CUX1: variants seen among roughly 807,000 people sequenced by gnomAD.
CUX1 encodes the protein cut like homeobox 1, also known as protein CASP.
Under a neutral mutation model 158.8 loss-of-function variants are expected in CUX1, and 31 were observed. The ratio of observed to expected loss-of-function variants is 0.20; its 90% CI spans 0.15 to 0.26. The LOEUF (loss-of-function observed/expected upper bound fraction) is 0.26. Among genes scored for constraint, CUX1 ranks in the 10% least tolerant of loss-of-function variants. The pLI is 1.00. For synonymous variants in CUX1, 879 were observed against 862.1 expected, an observed-to-expected ratio of 1.02 and a Z score of -0.34; for missense variants, 1,589 against 2,014.6, an observed-to-expected ratio of 0.79 and a Z score of 4.04.
chr7:102,257,976 T>G lies in CUX1; in HGVS notation c.*8934T>G, dbSNP rs148671459. The G allele has an allele frequency of 6.1e-6, 6 of 984,836 alleles. No individual in the cohort carries two copies. In the East Asian group the frequency reaches 6.8e-4, roughly 112 times the overall value. The allele number at this position is 984,836 out of a possible 1,614,324, so 61.0% of individuals were successfully genotyped here. On this transcript the variant is annotated 3_prime_UTR_variant, in exon 24 of 24. Transcript: ENST00000292535. ...GTGTGACATCTCTCTGGTAACATTTTATTTCTTGCTATTTGTTTTTCTACA... is the reference window on the plus strand; with the variant it reads ...GTGTGACATCTCTCTGGTAACATTTGATTTCTTGCTATTTGTTTTTCTACA...
intron 8 of CUX1, among the ~76,000 whole-genome samples, chr7:102,154,904 C>T (rs1836098556): frequency 6.6e-6 from 1 of 152,198 alleles, no homozygotes; most frequent in African/African-American, 2.4e-5. Context: ...CTTCACTCAC[C>T]AGCCGGACCA....
At chr7:101,972,719 GCCT>G (rs1021351891) in intron 2 of CUX1, among the ~76,000 whole-genome samples, 21 of 152,322 alleles carry the variant, frequency 1.4e-4, no homozygotes, top group African/African-American at 5.1e-4. Flanking sequence ...CGGCCCCAAT[GCCT>G]CCTCCTCCAG....
At chr7:102,283,321 C>T (rs566907648) in exon 23 of CUX1, 5 of 560,040 alleles carry the variant, frequency 8.9e-6, no homozygotes, top group South Asian at 6.1e-5. Flanking sequence ...CAGGCTAAGC[C>T]GCAGAGACCC....
intron 20 of CUX1, among the ~76,000 whole-genome samples, chr7:102,219,622 G>T (rs1393348108): frequency 6.6e-6 from 1 of 152,182 alleles, no homozygotes; most frequent in Admixed American, 6.5e-5. Flanking sequence ...CCATTTTGTA[G>T]TTTGGCCACG....
At chr7:102,275,350 G>T in exon 17 of CUX1, 1 of 1,612,434 alleles carries the variant, frequency 6.2e-7, no homozygotes. Flanking sequence ...GGAACCAGGA[G>T]CTTGAGGCCG....
intron 2 of CUX1, among the ~76,000 whole-genome samples, chr7:101,949,227 G>A (rs1156496432): frequency 6.6e-6 from 1 of 151,882 alleles, no homozygotes; most frequent in Non-Finnish European, 1.5e-5. Context: ...CACCTCCTGG[G>A]TTCACGCCAT....
chr7:102,201,575 C>T lies in CUX1; in HGVS notation c.2278C>T (p.Leu760Phe). 1 of 1,614,166 alleles carries T rather than the reference C, an allele frequency of 6.2e-7. No homozygotes were observed. Among genetic ancestry groups the T allele is most frequent in the African/African-American group, 1.3e-5 (1 of 75,046 alleles). The change falls in exon 18 of 24, where the codon CTC (leucine) becomes TTC (phenylalanine). Residue 760 changes from leucine to phenylalanine, a missense_variant. Physicochemically the swap from Leu to Phe is conservative, Grantham distance 22. Transcript: ENST00000292535. The surrounding 1 kb of genome is among the most constrained non-coding windows in gnomAD (Gnocchi z 5.0). ...GCCCACCGTGTCCAGCTACCCACCTCTCGCCATCTCCCTGAAGAAGCCCTC... is the reference window on the plus strand; with the variant it reads ...GCCCACCGTGTCCAGCTACCCACCTTTCGCCATCTCCCTGAAGAAGCCCTC... ...PMPTVSSYPP[L>F]AISLKKPSAA... is the part of the protein sequence containing the mutation.
intron 11 of CUX1, among the ~76,000 whole-genome samples, chr7:102,180,343 G>A (rs1481717988): frequency 7.1e-6 from 1 of 140,240 alleles, no homozygotes; most frequent in East Asian, 2.1e-4. Context: ...TTGAAACGGA[G>A]TCTCACTCAC....
chr7:102,214,990 C>A (rs1165157533), intron 20 of CUX1, among the ~76,000 whole-genome samples: 1 of 152,148 alleles, frequency 6.6e-6, no homozygotes, highest in Non-Finnish European at 1.5e-5. Flanking sequence ...GTAGTTGGAA[C>A]ATTCTATTTG....
In CUX1 at chr7:101,891,291, T is replaced by A. The variant is rs115166194; in HGVS notation, c.31-24824T>A. 2.2e-3 allele frequency among the ~76,000 whole-genome samples: 339 copies of A among 152,318 alleles called. 2 individuals carry two copies. The highest frequency in any genetic ancestry group is 7.8e-3 in the African/African-American group (326 of 41,574). ...TGGAGTGCAGTGGTTTGATCACAAGTCACTGTGGCCTCTAACTTACATGCT... is the reference window on the plus strand; with the variant it reads ...TGGAGTGCAGTGGTTTGATCACAAGACACTGTGGCCTCTAACTTACATGCT... On this transcript the variant is annotated intron_variant, in intron 1 of 23. Transcript: ENST00000292535.
intron 2 of CUX1, among the ~76,000 whole-genome samples, chr7:101,935,925 C>T (rs1476167876): frequency 6.6e-6 from 1 of 152,134 alleles, no homozygotes; most frequent in Admixed American, 6.6e-5. Context: ...GAGGTGGAGC[C>T]GGAACAGCTG....
rs1460610071 is a variant in CUX1 at position 102,030,692 on chromosome 7, T to TTTTTTTTTTG, written c.189+2556_189+2557insGTTTTTTTTT. Among the ~76,000 whole-genome samples the TTTTTTTTTTG allele has an allele frequency of 6.7e-4, 42 of 62,448 alleles. 4 individuals are homozygous for TTTTTTTTTTG. In the East Asian group the frequency reaches 0.094, roughly 140 times the overall value. 41.0% of individuals were successfully genotyped at this position (62,448 alleles called of 152,430 possible). The stretch of plus-strand genomic sequence containing the variant: ...ATCTAATTTTCTATTTTAAAAAGTG[T>TTTTTTTTTTG]TTTTTTTTTTTGAGACAGGGTCTCG... On this transcript the variant is annotated intron_variant, in intron 3 of 23. Coordinates refer to ENST00000292535, the MANE Select transcript of CUX1 (RefSeq NM_181552.4).
chr7:102,226,933 G>C (rs1798398248), intron 20 of CUX1, among the ~76,000 whole-genome samples: 1 of 152,130 alleles, frequency 6.6e-6, no homozygotes, highest in African/African-American at 2.4e-5. Context: ...ACGTATTGTG[G>C]GCAGCCCTCA....
At chr7:102,090,624 A>T (rs1400924709) in intron 4 of CUX1, among the ~76,000 whole-genome samples, 1 of 150,736 alleles carries the variant, frequency 6.6e-6, no homozygotes, top group Non-Finnish European at 1.5e-5. Flanking sequence ...TCCTGACCTC[A>T]TGATCCACCA....
chr7:101,956,471 A>G (rs1809797312), intron 2 of CUX1, among the ~76,000 whole-genome samples: 1 of 152,224 alleles, frequency 6.6e-6, no homozygotes, highest in Admixed American at 6.5e-5. Context: ...GTCAGTTTAA[A>G]AAAAAAAATC....
intron 2 of CUX1, among the ~76,000 whole-genome samples, chr7:102,006,813 A>C (rs1400403294): frequency 6.6e-6 from 1 of 152,248 alleles, no homozygotes; most frequent in African/African-American, 2.4e-5. Flanking sequence ...TGGATGCATC[A>C]GGCGTCACTG....
intron 16 of CUX1, 97 bp from the exon 17 acceptor site, chr7:102,199,974 C>A: frequency 1.0e-6 from 1 of 999,638 alleles, no homozygotes; most frequent in East Asian, 2.7e-5. Flanking sequence ...GTCACCAGCC[C>A]CCACCCGGGG....
Position 102,274,328 on chromosome 7 carries a change from CCATGGG to C in CUX1, c.1450+19_1450+24del, listed in dbSNP as rs782437211. The C allele has an allele frequency of 2.6e-5, 41 of 1,607,664 alleles. No individual in the cohort carries two copies. In the African/African-American group the frequency reaches 5.2e-4, roughly 20 times the overall value. On this transcript the variant is annotated intron_variant, in intron 16 of 22. Coordinates refer to the CUX1 transcript ENST00000292538. The stretch of plus-strand genomic sequence containing the variant: ...ATTCTACGGTAAGGAGAGGCCTGAC[CCATGGG>C]AGGAGGGAGGAGGAGGGAAGAGGAG...
chr7:101,818,813 G>C (rs1451880320), intron 1 of CUX1: 2 of 152,206 alleles, frequency 1.3e-5, no homozygotes, highest in African/African-American at 4.8e-5. Context: ...AATTCCCACC[G>C]ATAGTCAGTG....
Sources: gnomAD v4.1 joint callset for allele counts (sites outside exome capture counted in the v4.1 genomes callset) on GRCh38, gnomAD v4.1.1 for gene constraint, Gnocchi (gnomAD v3.1) non-coding constraint, MANE v1.5 for transcripts, NCBI Gene and HGNC (gene_info 2026-07-23, HGNC 2026-07-21) for gene names.